Variants in NRG1 observed in about 807,000 individuals in gnomAD.
NRG1 encodes the protein neuregulin 1, also known as pro-neuregulin-1, membrane-bound isoform.
NRG1 carries 18 observed loss-of-function variants against 63.8 expected under a neutral mutation model. That is an observed-to-expected ratio of 0.28 (90% CI 0.19 to 0.42). The LOEUF is 0.42. Among genes scored for constraint, NRG1 ranks in the 10% least tolerant of loss-of-function variants. NRG1 has a pLI of 1.00. For synonymous variants in NRG1, 302 were observed against 301.3 expected (o/e 1.00, Z -0.02); for missense variants, 762 against 814.7 (o/e 0.94, Z 0.79).
At chr8:32,316,243 C>G (rs567695134) in intron 1 of NRG1, among the ~76,000 whole-genome samples, 1 of 152,032 alleles carries the variant, frequency 6.6e-6, no homozygotes, top group African/African-American at 2.4e-5. Context: ...ATTGGGAGGC[C>G]GAGGTGGGCA....
At chr8:32,034,740 G>T (rs1818773871) in intron 1 of NRG1, among the ~76,000 whole-genome samples, 1 of 152,180 alleles carries the variant, frequency 6.6e-6, no homozygotes, top group African/African-American at 2.4e-5. Context: ...TTGCATAGAG[G>T]TGTTAATAGT....
intron 1 of NRG1, among the ~76,000 whole-genome samples, chr8:32,274,543 A>T (rs1851887856): frequency 6.6e-6 from 1 of 152,078 alleles, no homozygotes; most frequent in Non-Finnish European, 1.5e-5. Context: ...CTTTCTTTTC[A>T]TTAACATTTA....
chr8:32,558,950 T>C (rs1366743611), intron 1 of NRG1, among the ~76,000 whole-genome samples: 2 of 151,772 alleles, frequency 1.3e-5, no homozygotes, highest in African/African-American at 4.8e-5. Flanking sequence ...CAAGGTGGCA[T>C]GTGCCTGTGG....
chr8:32,441,132 G>T (rs1029573478), intron 1 of NRG1: 1 of 152,144 alleles, frequency 6.6e-6, no homozygotes, highest in Admixed American at 6.5e-5. Context: ...AAAGAGAAAA[G>T]ACCTTAGTGT....
At chr8:32,044,413 C>T (rs189464794) in intron 1 of NRG1, among the ~76,000 whole-genome samples, 1 of 151,846 alleles carries the variant, frequency 6.6e-6, no homozygotes, top group Admixed American at 6.6e-5. Context: ...AGAAAATATG[C>T]CTTGATATAG....
At chr8:32,022,796 C>T (rs1161665404) in intron 1 of NRG1, among the ~76,000 whole-genome samples, 1 of 152,052 alleles carries the variant, frequency 6.6e-6, no homozygotes, top group Non-Finnish European at 1.5e-5. Flanking sequence ...ATGAATGAGT[C>T]CACAATACCT....
At chr8:32,128,277 A>G (rs1437333042) in intron 1 of NRG1, among the ~76,000 whole-genome samples, 3 of 151,948 alleles carry the variant, frequency 2.0e-5, no homozygotes, top group African/African-American at 7.2e-5. Flanking sequence ...TTTCCAGTGC[A>G]TTATCCTGGC....
At chr8:32,349,855 C>T (rs538483922) in intron 1 of NRG1, among the ~76,000 whole-genome samples, 2 of 152,328 alleles carry the variant, frequency 1.3e-5, no homozygotes, top group African/African-American at 2.4e-5. Flanking sequence ...TTCTGATTCT[C>T]TGTCTTCCAG....
At chr8:31,876,947 A>G (rs368683017) in intron 1 of NRG1, among the ~76,000 whole-genome samples, 180 of 152,282 alleles carry the variant, frequency 1.2e-3, no homozygotes, top group African/African-American at 4.2e-3. Flanking sequence ...CTCATTTTAC[A>G]CTTCTTTTTT....
At chr8:32,726,477 A>G (rs1488671989) in intron 5 of NRG1, among the ~76,000 whole-genome samples, 1 of 152,182 alleles carries the variant, frequency 6.6e-6, no homozygotes, top group Non-Finnish European at 1.5e-5. Flanking sequence ...CTTGAACCAC[A>G]TCTGTCTCCA....
At position 31,944,846 on chromosome 8, in the gene NRG1, A is replaced by G. The variant is rs113839838; in HGVS notation, c.37+305415A>G. On this transcript the variant is annotated intron_variant, in intron 1 of 10. Coordinates refer to the NRG1 transcript ENST00000519301. Reference sequence around the variant, plus strand: ...ATTCTTTCTGTAGGGAACCAGCTGTATGTAGTGTTTAATTGAATGCTTTTG... The same window carrying G: ...ATTCTTTCTGTAGGGAACCAGCTGTGTGTAGTGTTTAATTGAATGCTTTTG... 5.9e-5 allele frequency among the ~76,000 whole-genome samples: 9 copies of G among 152,328 alleles called. 1 individual carries two copies. Among genetic ancestry groups the G allele is most frequent in the African/African-American group, 2.2e-4 (9 of 41,576 alleles).
chr8:31,979,902 T>A (rs1055193931), intron 1 of NRG1, among the ~76,000 whole-genome samples: 1 of 152,114 alleles, frequency 6.6e-6, no homozygotes, highest in African/African-American at 2.4e-5. Context: ...AGCATCTGAT[T>A]GGAATCAGTG....
intron 1 of NRG1, among the ~76,000 whole-genome samples, chr8:32,575,837 T>C (rs1839525389): frequency 6.6e-6 from 1 of 152,232 alleles, no homozygotes; most frequent in Non-Finnish European, 1.5e-5. Flanking sequence ...GACCCAGATA[T>C]GCTAGTCTTA....
At chr8:32,704,264 T>C (rs1815747475) in intron 5 of NRG1, among the ~76,000 whole-genome samples, 1 of 152,224 alleles carries the variant, frequency 6.6e-6, no homozygotes, top group Non-Finnish European at 1.5e-5. Flanking sequence ...GAGTAATTTT[T>C]AGTGATTTGT....
At chr8:32,147,912 A>G (rs893179640) in intron 1 of NRG1, among the ~76,000 whole-genome samples, 1 of 152,140 alleles carries the variant, frequency 6.6e-6, no homozygotes, top group Non-Finnish European at 1.5e-5. Context: ...TTAAATAATA[A>G]TGTGTAATTT....
At chr8:32,040,767 A>ATATATATATATATATATATATATT (rs1819892737) in intron 1 of NRG1, among the ~76,000 whole-genome samples, 1 of 129,836 alleles carries the variant, frequency 7.7e-6, no homozygotes, top group Non-Finnish European at 1.6e-5. Flanking sequence ...ATATATATAT[A>ATATATATATATATATATATATATT]TGCGCCTAAA....
intron 1 of NRG1, among the ~76,000 whole-genome samples, chr8:31,891,979 G>T (rs1390790626): frequency 6.6e-6 from 1 of 152,124 alleles, no homozygotes; most frequent in East Asian, 1.9e-4. Context: ...ATTAGTGGTT[G>T]CCAGGGGTTA....
intron 1 of NRG1, among the ~76,000 whole-genome samples, chr8:31,732,222 C>T (rs1023139411): frequency 4.6e-5 from 7 of 152,092 alleles, no homozygotes; most frequent in Non-Finnish European, 8.8e-5. Context: ...GACGTTATCA[C>T]GATTAGACAA....
chr8:31,639,439 G>A (rs1275550617), intron 1 of NRG1: 3 of 1,534,478 alleles, frequency 2.0e-6, no homozygotes, highest in African/African-American at 2.7e-5. Context: ...CAGGTAAACA[G>A]GCTGGCGAGG....
Sources: gnomAD v4.1 joint callset for allele counts (sites outside exome capture counted in the v4.1 genomes callset) on GRCh38, gnomAD v4.1.1 for gene constraint, MANE v1.5 for transcripts, NCBI Gene and HGNC (gene_info 2026-07-23, HGNC 2026-07-21) for gene names.